NAA25: variants seen among roughly 807,000 people sequenced by gnomAD.
NAA25 encodes N-alpha-acetyltransferase 25, NatB auxiliary subunit.
NAA25 carries 30 observed loss-of-function variants against 132.5 expected under a neutral mutation model. The ratio of observed to expected loss-of-function variants is 0.23; its 90% CI spans 0.17 to 0.31. NAA25 has a LOEUF of 0.31. Among genes scored for constraint, NAA25 ranks in the 10% least tolerant of loss-of-function variants. The probability of loss-of-function intolerance (pLI) is 1.00; values close to 1 mark genes in which losing one functional copy is unlikely to be tolerated. For synonymous variants in NAA25, 359 were observed against 401.9 expected (o/e 0.89, Z 1.28); for missense variants, 771 against 1,150.4 (o/e 0.67, Z 4.77).
rs2078102634 is a variant in NAA25 at position 112,027,705 on chromosome 12, G to A, written c.*1826C>T. On this transcript the variant is annotated 3_prime_UTR_variant, in exon 24 of 24. Coordinates refer to ENST00000261745, the MANE Select transcript of NAA25 (RefSeq NM_024953.4). ...CATTTCTACAGTACAGTACTTTTTT[G>A]GATATTCAGAGAGACATCATTTCAA... 1 of 151,972 alleles carries A rather than the reference G, an allele frequency of 6.6e-6. No individual in the cohort carries two copies. The highest frequency in any genetic ancestry group is 1.9e-4 in the East Asian group (1 of 5,200). The allele number at this position is 151,972 out of a possible 1,614,324, so 9.4% of individuals were successfully genotyped here.
intron 23 of NAA25, among the ~76,000 whole-genome samples, chr12:112,030,210 CAAAAAAAA>C (rs67757055): frequency 4.1e-4 from 22 of 53,402 alleles, no homozygotes; most frequent in Non-Finnish European, 4.9e-4. Flanking sequence ...AAAGCTGTCT[CAAAAAAAA>C]AAAAAAAAAA....
At chr12:112,092,420 T>C (rs1593830599) in intron 2 of NAA25, among the ~76,000 whole-genome samples, 2 of 151,376 alleles carry the variant, frequency 1.3e-5, no homozygotes, top group South Asian at 4.2e-4. Flanking sequence ...AGGTCGGGAG[T>C]TTGAGACCAG....
chr12:112,029,368 G>T lies in NAA25; in HGVS notation c.*163C>A, dbSNP rs888999823. ...TGGTTTATATACAATAATTTAATCA[G>T]TTGTATATATTTAACACCTAAAAAA... On this transcript the variant is annotated 3_prime_UTR_variant, in exon 24 of 24. Coordinates refer to ENST00000261745, the MANE Select transcript of NAA25 (RefSeq NM_024953.4). 4 of 1,097,642 alleles carry T rather than the reference G, an allele frequency of 3.6e-6. No homozygotes were observed. Among genetic ancestry groups the T allele is most frequent in the Non-Finnish European group, 5.1e-6 (4 of 779,450 alleles). The allele number at this position is 1,097,642 out of a possible 1,614,324, so 68.0% of individuals were successfully genotyped here.
chr12:112,069,435 G>A (rs956447559), intron 10 of NAA25, among the ~76,000 whole-genome samples: 3 of 152,132 alleles, frequency 2.0e-5, no homozygotes, highest in African/African-American at 7.2e-5. Flanking sequence ...CCGAGAAGGT[G>A]GATGTTGCAG....
At position 112,047,536 on chromosome 12, in the gene NAA25, C is replaced by G. The variant is rs1019115173; in HGVS notation, c.2006+129G>C. 3 of 1,186,774 alleles carry G rather than the reference C, an allele frequency of 2.5e-6. No individual in the cohort carries two copies. The African/African-American group carries it at 4.6e-5, about 18-fold the overall frequency. The allele number at this position is 1,186,774 out of a possible 1,614,324, so 73.5% of individuals were successfully genotyped here. The stretch of plus-strand genomic sequence containing the variant: ...CCTGAGCCACCGTGCCCAGCCCAAC[C>G]TAATTCTTTAAAAATAAACTGCTTC... On this transcript the variant is annotated intron_variant, in intron 17 of 23. Transcript: ENST00000261745.
intron 11 of NAA25, among the ~76,000 whole-genome samples, chr12:112,061,848 T>A (rs550811017): frequency 6.6e-6 from 1 of 152,342 alleles, no homozygotes; most frequent in South Asian, 2.1e-4. Flanking sequence ...GTTTACCTTA[T>A]GTCAGTGACC....
chr12:112,103,552 T>C (rs908025070), intron 1 of NAA25, among the ~76,000 whole-genome samples: 2 of 152,206 alleles, frequency 1.3e-5, no homozygotes, highest in African/African-American at 4.8e-5. Context: ...GTGACTTTTC[T>C]ACAGAAACGC....
chr12:112,033,104 T>G, intron 23 of NAA25, 129 bp downstream of exon 23: 1 of 1,118,500 alleles, frequency 8.9e-7, no homozygotes, highest in Non-Finnish European at 1.2e-6. Context: ...AAGCACCTTC[T>G]AGTCACAAGT....
Position 112,029,513 on chromosome 12 carries a change from C to T in NAA25, c.*18G>A. On this transcript the variant is annotated 3_prime_UTR_variant, in exon 24 of 24. Transcript: ENST00000261745. ...ATATTCTGTTGCAGAGTCATCAGTG[C>T]CCATGATAGATACTTCCTTAAATTT... The T allele has an allele frequency of 6.2e-7, 1 of 1,613,740 alleles. No homozygotes were observed. Among genetic ancestry groups the T allele is most frequent in the African/African-American group, 1.3e-5 (1 of 75,012 alleles).
chr12:112,062,083 T>C (rs367726788), intron 11 of NAA25, among the ~76,000 whole-genome samples: 4 of 152,058 alleles, frequency 2.6e-5, no homozygotes, highest in African/African-American at 9.7e-5. Flanking sequence ...TAAAATCCTA[T>C]TAAGATGCCA....
intron 23 of NAA25, among the ~76,000 whole-genome samples, chr12:112,032,115 C>G (rs961908213): frequency 1.3e-4 from 20 of 151,866 alleles, no homozygotes; most frequent in Admixed American, 2.6e-4. Context: ...AGGCGCCCAC[C>G]ACCACGCCCG....
intron 23 of NAA25, among the ~76,000 whole-genome samples, chr12:112,032,138 G>A (rs191613324): frequency 6.6e-6 from 1 of 151,576 alleles, no homozygotes; most frequent in Non-Finnish European, 1.5e-5. Flanking sequence ...TAATTTTTTT[G>A]TATTTTTTTA....
chr12:112,053,545 G>C lies in NAA25; in HGVS notation c.1728+13C>G. ...CAGACAAGATCACAGTTAAAAAATA[G>C]TTTTTCACTTACATCTTTCTGGTTG... On this transcript the variant is annotated intron_variant, in intron 15 of 23. Coordinates refer to ENST00000261745, the MANE Select transcript of NAA25 (RefSeq NM_024953.4). The C allele has an allele frequency of 6.3e-7, 1 of 1,575,558 alleles. No individual in the cohort carries two copies. The highest frequency in any genetic ancestry group is 8.7e-7 in the Non-Finnish European group (1 of 1,150,140).
intron 1 of NAA25, among the ~76,000 whole-genome samples, chr12:112,094,906 C>T (rs141016216): frequency 1.1e-4 from 17 of 151,902 alleles, no homozygotes; most frequent in Non-Finnish European, 2.4e-4. Context: ...GTGATCTGCC[C>T]GCCTCAGCCT....
intron 11 of NAA25, among the ~76,000 whole-genome samples, chr12:112,062,752 C>G (rs1168439149): frequency 6.6e-6 from 1 of 151,348 alleles, no homozygotes; most frequent in Non-Finnish European, 1.5e-5. Context: ...TAAATCCACA[C>G]AGATCAAGAA....
chr12:112,061,060 C>A (rs2078621871), intron 12 of NAA25, 121 bp downstream of exon 12: 10 of 730,814 alleles, frequency 1.4e-5, no homozygotes, highest in Non-Finnish European at 4.5e-6. Context: ...GATGGTCTTC[C>A]CAGACAAAAT....
chr12:112,048,747 A>G (rs1017115421), intron 15 of NAA25, among the ~76,000 whole-genome samples: 1 of 152,156 alleles, frequency 6.6e-6, no homozygotes, highest in Non-Finnish European at 1.5e-5. Context: ...GTTTTGCCAC[A>G]TCAGTCAAAA....
At chr12:112,051,978 A>G (rs1356798636) in intron 15 of NAA25, among the ~76,000 whole-genome samples, 1 of 152,210 alleles carries the variant, frequency 6.6e-6, no homozygotes, top group Non-Finnish European at 1.5e-5. Flanking sequence ...GAGGAAAACC[A>G]GCCACCGGGC....
intron 13 of NAA25, among the ~76,000 whole-genome samples, chr12:112,057,038 A>AT (rs925281406): frequency 2.0e-5 from 3 of 152,096 alleles, no homozygotes; most frequent in African/African-American, 7.2e-5. Context: ...AAATACAAAA[A>AT]TTAGCCAGGC....
Sources: gnomAD v4.1 joint callset for allele counts (sites outside exome capture counted in the v4.1 genomes callset) on GRCh38, gnomAD v4.1.1 for gene constraint, MANE v1.5 for transcripts, NCBI Gene and HGNC (gene_info 2026-07-23, HGNC 2026-07-21) for gene names.